The following FBXO32 variants were observed in gnomAD, a reference collection of about 807,000 sequenced individuals.
FBXO32 encodes the protein F-box protein 32.
A neutral mutation model predicts 48.3 loss-of-function variants in FBXO32; 15 were observed. The observed-to-expected ratio is 0.31, with a 90% CI of 0.21 to 0.48. The LOEUF (loss-of-function observed/expected upper bound fraction) is 0.48, where lower values mean the gene tolerates loss of function less well. Ranked by LOEUF, FBXO32 falls within the 20% of genes least tolerant of loss-of-function variation. The pLI, the probability that FBXO32 is intolerant of heterozygous loss-of-function variation, is 0.99. For synonymous variants in FBXO32, 154 were observed against 165.9 expected, an observed-to-expected ratio of 0.93 and a Z score of 0.55; for missense variants, 309 against 432.7, an observed-to-expected ratio of 0.71 and a Z score of 2.54.
intron 4 of FBXO32, among the ~76,000 whole-genome samples, chr8:123,524,288 C>T (rs537518152): frequency 2.6e-5 from 4 of 152,232 alleles, no homozygotes; most frequent in Non-Finnish European, 5.9e-5. Context: ...CCCCCACTTC[C>T]GTGGGCACCT....
chr8:123,507,949 T>G (rs1231805473), intron 6 of FBXO32, among the ~76,000 whole-genome samples: 1 of 152,190 alleles, frequency 6.6e-6, no homozygotes, highest in Non-Finnish European at 1.5e-5. Context: ...AATCTGCACC[T>G]GGGAATCCGC....
intron 4 of FBXO32, among the ~76,000 whole-genome samples, chr8:123,524,118 C>T (rs75415393): frequency 0.064 from 9,758 of 152,228 alleles, 447 homozygotes; most frequent in African/African-American, 0.13. Flanking sequence ...AGTCTTCCCC[C>T]ATTTCCATGG....
At chr8:123,518,469 C>T (rs529635212) in intron 4 of FBXO32, among the ~76,000 whole-genome samples, 2 of 152,306 alleles carry the variant, frequency 1.3e-5, no homozygotes, top group Middle Eastern at 3.4e-3. Context: ...TGCTTTCACA[C>T]TGTAATATTC....
At position 123,531,775 on chromosome 8, in the gene FBXO32, C is replaced by G; in HGVS notation, c.372+123G>C. 4.3e-6 allele frequency: 5 copies of G among 1,171,302 alleles called. No individual in the cohort carries two copies. The South Asian group carries it at 7.9e-5, about 19-fold the overall frequency. 72.6% of individuals were successfully genotyped at this position (1,171,302 alleles called of 1,614,324 possible). A position where few individuals can be genotyped will look rare whatever the true frequency, so the allele number is the denominator to read the frequency against. On this transcript the variant is annotated intron_variant, in intron 4 of 8. Transcript: ENST00000517956. ...AGGAGATTGAGGGGTCTGTTTTCTG[C>G]TTGCCTCAAAATTCTTAGGGTCCTA...
chr8:123,522,306 T>A (rs1021322995), intron 4 of FBXO32, among the ~76,000 whole-genome samples: 1 of 151,234 alleles, frequency 6.6e-6, no homozygotes, highest in Non-Finnish European at 1.5e-5. Context: ...CCTTTTGGGT[T>A]CAAATGATTC....
Position 123,533,259 on chromosome 8 carries a change from T to G in FBXO32, c.230-19A>C. 6.3e-7 allele frequency: 1 copy of G among 1,586,746 alleles called. No individual in the cohort carries two copies. The highest frequency in any genetic ancestry group is 2.2e-5 in the East Asian group (1 of 44,712). On this transcript the variant is annotated intron_variant, in intron 2 of 8. Transcript: ENST00000517956. The stretch of plus-strand genomic sequence containing the variant: ...TGGAAATCTACAGAGACAAAAAGAA[T>G]ACACAGCTTTAACATCTGCAACATG...
At position 123,541,116 on chromosome 8, in the gene FBXO32, G is replaced by GGGGGCGGC. The variant is rs1409067063; in HGVS notation, c.-110_-103dup. 1,373 of 614,470 alleles carry GGGGGCGGC rather than the reference G, an allele frequency of 2.2e-3. 19 individuals carry two copies. In the African/African-American group the frequency reaches 0.024, roughly 11 times the overall value. 38.1% of individuals were successfully genotyped at this position (614,470 alleles called of 1,614,324 possible). ...TGCTCGGGGTGCAGGGGCCCGCGAC[G>GGGGGCGGC]GGGGCGGCGGGGCGGCGGGAACGGC... On this transcript the variant is annotated 5_prime_UTR_variant, in exon 1 of 9. Coordinates refer to ENST00000517956, the MANE Select transcript of FBXO32 (RefSeq NM_058229.4).
intron 6 of FBXO32, among the ~76,000 whole-genome samples, chr8:123,507,342 C>G (rs1816647204): frequency 6.6e-6 from 1 of 151,744 alleles, no homozygotes; most frequent in Non-Finnish European, 1.5e-5. Flanking sequence ...ACAAGAGTGC[C>G]CAGCACACAG....
At chr8:123,505,393 G>A (rs1816594204) in intron 7 of FBXO32, among the ~76,000 whole-genome samples, 1 of 152,220 alleles carries the variant, frequency 6.6e-6, no homozygotes, top group South Asian at 2.1e-4. Context: ...GCACAACAAT[G>A]CCTATCCTTC....
chr8:123,531,081 G>A (rs1817197811), intron 4 of FBXO32, among the ~76,000 whole-genome samples: 2 of 148,668 alleles, frequency 1.3e-5, no homozygotes, highest in Admixed American at 1.4e-4. Context: ...CCGGGTTCAA[G>A]CGATTCTCCT....
At chr8:123,503,544 A>G (rs1001606389) in intron 8 of FBXO32, 82 bp from the exon 9 acceptor site, 4 of 1,020,314 alleles carry the variant, frequency 3.9e-6, no homozygotes, top group Non-Finnish European at 6.0e-6. Context: ...TTCCAACTTC[A>G]AAGCAACAAT....
Position 123,500,389 on chromosome 8 carries a change from A to G in FBXO32, c.*2984T>C, listed in dbSNP as rs1816456896. The G allele has an allele frequency of 6.6e-6, 1 of 152,180 alleles. No individual in the cohort carries two copies. The highest frequency in any genetic ancestry group is 1.5e-5 in the Non-Finnish European group (1 of 68,022). 9.4% of individuals were successfully genotyped at this position (152,180 alleles called of 1,614,324 possible). On this transcript the variant is annotated 3_prime_UTR_variant, in exon 9 of 9. Transcript: ENST00000517956. ...GAAATTCTGTTTTACAGGGTTTAGG[A>G]TGGGGGTAGGTAGGCACAGGAAAGA...
rs890187661 is a variant in FBXO32, at chr8:123,540,855, G to C, written c.116+44C>G. ...TCCCTGCGCCCCCCAGACCAGCCCG[G>C]GTCAGTTTCGCGGGGGCTGGAAGTT... On this transcript the variant is annotated intron_variant, in intron 1 of 8. Coordinates refer to ENST00000517956, the MANE Select transcript of FBXO32 (RefSeq NM_058229.4). This position sits in a 1 kb window ranked among gnomAD's most constrained non-coding sequence, Gnocchi z 6.4. 61 of 1,523,308 alleles carry C rather than the reference G, an allele frequency of 4.0e-5. No individual in the cohort carries two copies. Among genetic ancestry groups the C allele is most frequent in the Non-Finnish European group, 5.4e-5 (60 of 1,104,854 alleles). 94.4% of individuals were successfully genotyped at this position (1,523,308 alleles called of 1,614,324 possible). A position where few individuals can be genotyped will look rare whatever the true frequency, so the allele number is the denominator to read the frequency against.
intron 6 of FBXO32, among the ~76,000 whole-genome samples, chr8:123,509,317 A>G (rs1307844198): frequency 6.6e-6 from 1 of 152,184 alleles, no homozygotes; most frequent in Non-Finnish European, 1.5e-5. Context: ...CTGTTAAAAA[A>G]GTAAGTTTTA....
chr8:123,528,096 T>A (rs922708689), intron 4 of FBXO32, among the ~76,000 whole-genome samples: 4 of 152,254 alleles, frequency 2.6e-5, no homozygotes, highest in Admixed American at 2.0e-4. Flanking sequence ...GCAGATATTT[T>A]AAAAGTAGCA....
Position 123,533,188 on chromosome 8 carries a change from C to T in FBXO32, c.279+3G>A, listed in dbSNP as rs1275473421. The T allele has an allele frequency of 1.2e-6, 2 of 1,610,908 alleles. No individual in the cohort carries two copies. The highest frequency in any genetic ancestry group is 1.1e-5 in the South Asian group (1 of 90,964). ...TAACTTAGTAAATGAATGGGATGCT[C>T]ACCTCTTTAGTACTTCCTTTGTGAA... On this transcript the variant is annotated splice_donor_region_variant and intron_variant, in intron 3 of 8. Transcript: ENST00000517956.
chr8:123,538,978 G>A (rs934606930), intron 1 of FBXO32, among the ~76,000 whole-genome samples: 3 of 152,038 alleles, frequency 2.0e-5, no homozygotes, highest in South Asian at 2.1e-4. Context: ...TCCTGATGCC[G>A]GTATAGGGTA....
At position 123,540,324 on chromosome 8, in the gene FBXO32, G is replaced by T. The variant is rs1303275406; in HGVS notation, c.116+575C>A. The stretch of plus-strand genomic sequence containing the variant: ...CCGCTCGCAAGTCCGCCCAGTAAGC[G>T]GCTGCCCCAGGGACCATCTGGCCGT... On this transcript the variant is annotated intron_variant, in intron 1 of 8. Coordinates refer to ENST00000517956, the MANE Select transcript of FBXO32 (RefSeq NM_058229.4). This position sits in a 1 kb window ranked among gnomAD's most constrained non-coding sequence, Gnocchi z 6.4. Among the ~76,000 whole-genome samples the T allele has an allele frequency of 6.6e-6, 1 of 152,210 alleles. No individual in the cohort carries two copies. The highest frequency in any genetic ancestry group is 1.5e-5 in the Non-Finnish European group (1 of 68,034).
At position 123,501,570 on chromosome 8, in the gene FBXO32, T is replaced by C. The variant is rs1816488747; in HGVS notation, c.*1803A>G. On this transcript the variant is annotated 3_prime_UTR_variant, in exon 9 of 9. Transcript: ENST00000517956. ...GAGAAATTCTGGCGTAGCACAAACA[T>C]TGCAAAGTGAGGAGCACTAAACAGT... is the stretch of plus-strand genomic sequence containing the variant. 1 of 152,122 alleles carries C rather than the reference T, an allele frequency of 6.6e-6. No individual in the cohort carries two copies. The highest frequency in any genetic ancestry group is 1.5e-5 in the Non-Finnish European group (1 of 68,024). The allele number at this position is 152,122 out of a possible 1,614,324, so 9.4% of individuals were successfully genotyped here. A position where few individuals can be genotyped will look rare whatever the true frequency, so the allele number is the denominator to read the frequency against.
Sources: gnomAD v4.1 joint callset for allele counts (sites outside exome capture counted in the v4.1 genomes callset) on GRCh38, gnomAD v4.1.1 for gene constraint, Gnocchi (gnomAD v3.1) non-coding constraint, MANE v1.5 for transcripts, NCBI Gene and HGNC (gene_info 2026-07-23, HGNC 2026-07-21) for gene names.